ONECUT1: variants seen among roughly 807,000 people sequenced by gnomAD.
The protein encoded by ONECUT1 is one cut homeobox 1.
In ONECUT1, 12 loss-of-function variants were observed where a neutral mutation model predicts 25.6. That is an observed-to-expected ratio of 0.47 (90% CI 0.30 to 0.76). ONECUT1 has a LOEUF of 0.76. Ranked by LOEUF, ONECUT1 falls within the 30% of genes least tolerant of loss-of-function variation. ONECUT1 has a pLI of 0.07. For synonymous variants in ONECUT1, 285 were observed against 270.2 expected, an observed-to-expected ratio of 1.05 and a Z score of -0.54; for missense variants, 620 against 651.2, an observed-to-expected ratio of 0.95 and a Z score of 0.52.
chr15:52,757,795 T>C lies in ONECUT1; in HGVS notation c.1158A>G (p.Lys386=), dbSNP rs1056451758. The change falls in exon 2 of 2, where the codon AAA becomes AAG. Residue 386 remains lysine (K), a synonymous_variant. Coordinates refer to ENST00000305901, the MANE Select transcript of ONECUT1 (RefSeq NM_004498.4). ...EHGKDRGNTP[K]KPRLVFTDVQ... is the part of the protein sequence containing the mutation. ...CATCTGTGAAGACCAACCTGGGCTT[T>C]TTGGGTGTGTTGCCTCTATCCTTCC... 1.9e-6 allele frequency: 3 copies of C among 1,614,168 alleles called. No individual in the cohort carries two copies. The highest frequency in any genetic ancestry group is 2.5e-6 in the Non-Finnish European group (3 of 1,180,002).
At chr15:52,776,431 T>C (rs1380611079) in intron 1 of ONECUT1, among the ~76,000 whole-genome samples, 2 of 152,194 alleles carry the variant, frequency 1.3e-5, no homozygotes, top group Non-Finnish European at 2.9e-5. Flanking sequence ...TGCCACCCAT[T>C]TTCTCCACCT....
At chr15:52,757,910 C>T in intron 1 of ONECUT1, 63 bp from the exon 2 acceptor site, 2 of 1,528,830 alleles carry the variant, frequency 1.3e-6, no homozygotes, top group South Asian at 2.6e-5. Flanking sequence ...AGTAGAAAGA[C>T]AGAGCTCATA....
At chr15:52,772,513 C>CTTTTCCTCCA (rs2083774642) in intron 1 of ONECUT1, among the ~76,000 whole-genome samples, 1 of 151,938 alleles carries the variant, frequency 6.6e-6, no homozygotes. Flanking sequence ...AGGAAAAGAT[C>CTTTTCCTCCA]AGAGTAATGG....
In ONECUT1 at chr15:52,784,184, G is replaced by A. The variant is rs2083859401; in HGVS notation, c.1105+4596C>T. On this transcript the variant is annotated intron_variant, in intron 1 of 1. Transcript: ENST00000305901. This position sits in a 1 kb window ranked among gnomAD's most constrained non-coding sequence, Gnocchi z 5.0. ...GAGCGCGGAGGGCTCGAGGCTTGCA[G>A]ATAAGGAGAGGCGCATCCTGGGATT... Among the ~76,000 whole-genome samples the A allele has an allele frequency of 6.6e-6, 1 of 152,210 alleles. No individual in the cohort carries two copies. The highest frequency in any genetic ancestry group is 1.5e-5 in the Non-Finnish European group (1 of 68,036).
In ONECUT1 at chr15:52,764,489, C is replaced by T. The variant is rs2083722910; in HGVS notation, c.1106-6642G>A. 2.0e-5 allele frequency among the ~76,000 whole-genome samples: 3 copies of T among 152,328 alleles called. No homozygotes were observed. The South Asian group carries it at 6.2e-4, about 32-fold the overall frequency. On this transcript the variant is annotated intron_variant, in intron 1 of 1. Transcript: ENST00000305901. ...AGAAGGTGAAGGACTTGGTCAAGAT[C>T]ACACATCTATCAGTGGCCACAGAGC...
Position 52,757,602 on chromosome 15 carries a change from T to C in ONECUT1, c.1351A>G (p.Asn451Asp), listed in dbSNP as rs2083680852. The C allele has an allele frequency of 1.2e-6, 2 of 1,614,120 alleles. No homozygotes were observed. Among genetic ancestry groups the C allele is most frequent in the Non-Finnish European group, 1.7e-6 (2 of 1,180,002 alleles). ...GATGAAGAAGATGAGTTGCCTGAAT[T>C]GGAGCTGCCCTCGTCCTGCCACTTG... is the stretch of plus-strand genomic sequence containing the variant. ...LDKWQDEGSS[N>D]SGNSSSSSST... Residue 451 changes from asparagine to aspartate, a missense_variant, in exon 2 of 2, where the codon AAT becomes GAT. By Grantham distance (23) the Asn-to-Asp change is conservative. Coordinates refer to ENST00000305901, the MANE Select transcript of ONECUT1 (RefSeq NM_004498.4).
intron 1 of ONECUT1, among the ~76,000 whole-genome samples, chr15:52,768,684 CAG>C (rs1245337521): frequency 6.6e-6 from 1 of 152,162 alleles, no homozygotes; most frequent in African/African-American, 2.4e-5. Context: ...AGTTATAAAA[CAG>C]AATTTCTTTA....
intron 1 of ONECUT1, among the ~76,000 whole-genome samples, chr15:52,763,816 G>A (rs1216657094): frequency 1.3e-5 from 2 of 152,156 alleles, no homozygotes; most frequent in Non-Finnish European, 2.9e-5. Flanking sequence ...AAAATATTGA[G>A]AATAAGCAAT....
At chr15:52,765,331 T>A (rs1346671941) in intron 1 of ONECUT1, among the ~76,000 whole-genome samples, 1 of 152,206 alleles carries the variant, frequency 6.6e-6, no homozygotes, top group African/African-American at 2.4e-5. Flanking sequence ...TACATCTCTA[T>A]CAAGTTGTAA....
intron 1 of ONECUT1, among the ~76,000 whole-genome samples, chr15:52,762,046 T>A (rs1026122696): frequency 6.6e-6 from 1 of 152,148 alleles, no homozygotes; most frequent in Non-Finnish European, 1.5e-5. Context: ...GGTCTCTAGA[T>A]GGTAAATTAC....
At chr15:52,779,387 C>T (rs181921557) in intron 1 of ONECUT1, among the ~76,000 whole-genome samples, 1 of 151,896 alleles carries the variant, frequency 6.6e-6, no homozygotes, top group Admixed American at 6.6e-5. Context: ...CGTGCCTGGC[C>T]GACCAGTTTA....
Position 52,788,576 on chromosome 15 carries a change from A to G in ONECUT1, c.1105+204T>C, listed in dbSNP as rs1465075362. ...GGCCGCTTAGCTCTCGGAGCCTTCCACAGCCCAACACCCTGAGCCCTGGAG... is the reference window on the plus strand; with the variant it reads ...GGCCGCTTAGCTCTCGGAGCCTTCCGCAGCCCAACACCCTGAGCCCTGGAG... On this transcript the variant is annotated intron_variant, in intron 1 of 1. Transcript: ENST00000305901. The surrounding 1 kb of genome is among the most constrained non-coding windows in gnomAD (Gnocchi z 4.3). 3.6e-5 allele frequency: 20 copies of G among 562,072 alleles called. 1 individual carries two copies. The highest frequency in any genetic ancestry group is 1.2e-4 in the South Asian group (4 of 33,324). The allele number at this position is 562,072 out of a possible 1,614,324, so 34.8% of individuals were successfully genotyped here. A position where few individuals can be genotyped will look rare whatever the true frequency, so the allele number is the denominator to read the frequency against.
chr15:52,764,859 C>T (rs1045662150), intron 1 of ONECUT1, among the ~76,000 whole-genome samples: 3 of 152,208 alleles, frequency 2.0e-5, no homozygotes, highest in Admixed American at 6.5e-5. Context: ...CTGTGACGTC[C>T]GAGTCACGCA....
At chr15:52,758,111 C>T (rs770039720) in intron 1 of ONECUT1, among the ~76,000 whole-genome samples, 2 of 152,196 alleles carry the variant, frequency 1.3e-5, no homozygotes, top group Non-Finnish European at 2.9e-5. Flanking sequence ...CAGTTAACTC[C>T]ATCTGGGCTT....
At chr15:52,768,922 C>T (rs568112655) in intron 1 of ONECUT1, among the ~76,000 whole-genome samples, 1 of 152,286 alleles carries the variant, frequency 6.6e-6, no homozygotes, top group South Asian at 2.1e-4. Flanking sequence ...ATTCAAGGAC[C>T]TTGACACCCT....
intron 1 of ONECUT1, among the ~76,000 whole-genome samples, chr15:52,768,447 CTTAAAAAAGACTCTCAA>C (rs1444692566): frequency 3.3e-5 from 5 of 152,142 alleles, no homozygotes; most frequent in Non-Finnish European, 5.9e-5. Context: ...GTATCCCTCA[CTTAAAAAAGACTCTCAA>C]TAGTTTGCCT....
chr15:52,762,512 C>T (rs2083711757), intron 1 of ONECUT1, among the ~76,000 whole-genome samples: 1 of 152,118 alleles, frequency 6.6e-6, no homozygotes, highest in African/African-American at 2.4e-5. Context: ...GCCCTGGGAC[C>T]TCAAGCACTG....
chr15:52,774,654 T>A (rs539215391), intron 1 of ONECUT1, among the ~76,000 whole-genome samples: 3 of 152,144 alleles, frequency 2.0e-5, no homozygotes, highest in Non-Finnish European at 4.4e-5. Context: ...AGAAATAAGA[T>A]ACAAGGTGCT....
Position 52,790,010 on chromosome 15 carries a change from G to A in ONECUT1, c.-126C>T. On this transcript the variant is annotated 5_prime_UTR_variant, in exon 1 of 2. Coordinates refer to ENST00000305901, the MANE Select transcript of ONECUT1 (RefSeq NM_004498.4). ...TGTTGCCTTCCTTCCTCTCACTGTG[G>A]GGCTCTGTCTCTCTCTCTCTCTCTC... is the stretch of plus-strand genomic sequence containing the variant. The A allele has an allele frequency of 2.9e-6, 4 of 1,362,328 alleles. No homozygotes were observed. Among genetic ancestry groups the A allele is most frequent in the East Asian group, 3.0e-5 (1 of 33,032 alleles). 84.4% of individuals were successfully genotyped at this position (1,362,328 alleles called of 1,614,324 possible).
Sources: gnomAD v4.1 joint callset for allele counts (sites outside exome capture counted in the v4.1 genomes callset) on GRCh38, gnomAD v4.1.1 for gene constraint, Gnocchi (gnomAD v3.1) non-coding constraint, MANE v1.5 for transcripts, NCBI Gene and HGNC (gene_info 2026-07-23, HGNC 2026-07-21) for gene names.